Variants in CTCF observed in about 807,000 individuals in gnomAD.
CTCF encodes CCCTC-binding factor.
CTCF carries 7 observed loss-of-function variants against 72.3 expected under a neutral mutation model. The observed-to-expected ratio is 0.10, with a 90% confidence interval of 0.06 to 0.18. The LOEUF (loss-of-function observed/expected upper bound fraction) is 0.18. Among genes scored for constraint, CTCF ranks in the 10% least tolerant of loss-of-function variants. The pLI is 1.00. For synonymous variants in CTCF, 374 were observed against 315.8 expected, an observed-to-expected ratio of 1.18 and a Z score of -1.95; for missense variants, 516 against 949.1, an observed-to-expected ratio of 0.54 and a Z score of 6.00.
Position 67,627,073 on chromosome 16 carries a change from T to C in CTCF, c.1518+358T>C, listed in dbSNP as rs528374606. ...AGCAGCTCTATCTGTGCTACAATTATGGAAGCAGTTGTGCACCACACTAAA... is the reference window on the plus strand; with the variant it reads ...AGCAGCTCTATCTGTGCTACAATTACGGAAGCAGTTGTGCACCACACTAAA... On this transcript the variant is annotated intron_variant, in intron 8 of 11. Coordinates refer to ENST00000264010, the MANE Select transcript of CTCF (RefSeq NM_006565.4). The C allele has an allele frequency of 5.8e-4, 100 of 173,006 alleles. 2 individuals carry two copies. The highest frequency in any genetic ancestry group is 2.3e-3 in the African/African-American group (97 of 42,428). The allele number at this position is 173,006 out of a possible 1,614,324, so 10.7% of individuals were successfully genotyped here. A position where few individuals can be genotyped will look rare whatever the true frequency, so the allele number is the denominator to read the frequency against.
chr16:67,588,013 A>G (rs561617014), intron 2 of CTCF, among the ~76,000 whole-genome samples: 1 of 151,970 alleles, frequency 6.6e-6, no homozygotes, highest in Non-Finnish European at 1.5e-5. Flanking sequence ...GCCCACCACC[A>G]CGCCTGGCTA....
chr16:67,566,132 C>T (rs900190404), intron 1 of CTCF, among the ~76,000 whole-genome samples: 4 of 152,152 alleles, frequency 2.6e-5, no homozygotes, highest in African/African-American at 9.7e-5. Flanking sequence ...CCTCTTCAAA[C>T]AACTCAGATG....
At chr16:67,629,616 G>A in intron 10 of CTCF, 83 bp downstream of exon 10, 2 of 1,425,480 alleles carry the variant, frequency 1.4e-6, no homozygotes, top group Non-Finnish European at 1.9e-6. Flanking sequence ...GATATGCTGG[G>A]ATATAGAGGC....
intron 8 of CTCF, chr16:67,627,672 GGC>G: frequency 6.6e-6 from 1 of 151,760 alleles, no homozygotes; most frequent in Non-Finnish European, 1.5e-5. Flanking sequence ...AGGTCGGCCG[GGC>G]GCGGTGGCTC....
intron 2 of CTCF, among the ~76,000 whole-genome samples, chr16:67,594,377 C>A (rs542934745): frequency 6.8e-6 from 1 of 147,414 alleles, no homozygotes; most frequent in South Asian, 2.2e-4. Flanking sequence ...GGGTGGGACC[C>A]TGTCTCAAAA....
In CTCF at chr16:67,578,837, A is replaced by G. The variant is rs2051539838; in HGVS notation, c.-10+7573A>G. Among the ~76,000 whole-genome samples, 6 of 151,316 alleles carry G rather than the reference A, an allele frequency of 4.0e-5. No homozygotes were observed. In the Admixed American group the frequency reaches 4.0e-4, roughly 10 times the overall value. On this transcript the variant is annotated intron_variant, in intron 2 of 11. Transcript: ENST00000264010. ...GTGGCAGGCGCCTGTAATCTCAGCTACTCAGGTGGCTGAGGCAGGAGAATC... is the reference window on the plus strand; with the variant it reads ...GTGGCAGGCGCCTGTAATCTCAGCTGCTCAGGTGGCTGAGGCAGGAGAATC...
intron 5 of CTCF, 82 bp downstream of exon 5, chr16:67,616,960 C>A: frequency 1.4e-6 from 2 of 1,416,256 alleles, no homozygotes; most frequent in Non-Finnish European, 2.0e-6. Context: ...ACTACCCAAA[C>A]GGACTTAAGA....
At chr16:67,581,649 G>C (rs1039221712) in intron 2 of CTCF, among the ~76,000 whole-genome samples, 2 of 152,030 alleles carry the variant, frequency 1.3e-5, no homozygotes, top group South Asian at 4.2e-4. Context: ...GATTACAGTC[G>C]TGCACCACCA....
rs1402065838 is a variant in CTCF at position 67,611,976 on chromosome 16, G to A, written c.807G>A (p.Glu269=). ...GTGTAAAGAAGACATTCCAGTGTGA[G>A]CTTTGCAGTTACACGTGTCCACGGC... The part of the protein sequence containing the change: ...KKGVKKTFQC[E]LCSYTCPRRS... Residue 269 remains glutamate, a synonymous_variant, in exon 4 of 12, where the codon GAG becomes GAA. Transcript: ENST00000264010. The A allele has an allele frequency of 6.2e-7, 1 of 1,614,172 alleles. No individual in the cohort carries two copies.
chr16:67,629,745 CCTTTTTTTTTTTTTTTTTTTTTT>C (rs2052338336), intron 10 of CTCF, among the ~76,000 whole-genome samples: 2 of 85,030 alleles, frequency 2.4e-5, no homozygotes, highest in Non-Finnish European at 4.6e-5. Context: ...TCATTAATGC[CCTTTTTTTTTTTTTTTTTTTTTT>C]TTTTTTTTTT....
chr16:67,630,623 T>C (rs2052350187), intron 10 of CTCF, among the ~76,000 whole-genome samples: 1 of 152,028 alleles, frequency 6.6e-6, no homozygotes, highest in Admixed American at 6.6e-5. Flanking sequence ...GGTGTGGTGG[T>C]ACATGCCGAT....
intron 2 of CTCF, among the ~76,000 whole-genome samples, chr16:67,592,764 C>G (rs1052934118): frequency 6.6e-6 from 1 of 151,172 alleles, no homozygotes; most frequent in Non-Finnish European, 1.5e-5. Flanking sequence ...ACTGGCTCAA[C>G]GTCAGTAATC....
intron 2 of CTCF, among the ~76,000 whole-genome samples, chr16:67,577,858 G>A (rs983010065): frequency 1.3e-5 from 2 of 152,094 alleles, no homozygotes; most frequent in African/African-American, 2.4e-5. Context: ...CTGTTAGAGG[G>A]GATTGAGGTT....
rs1597714022 is a variant in CTCF at position 67,611,510 on chromosome 16, C to T, written c.678C>T (p.Tyr226=). Residue 226 remains tyrosine, a synonymous_variant, in exon 3 of 12, where the codon TAC becomes TAT. Transcript: ENST00000264010. ...GCAAAGATGTAGATGTGTCTGTCTA[C>T]GATTTTGAGGAAGAACAGCAGGAGG... The part of the protein sequence containing the change: ...EEGKDVDVSV[Y]DFEEEQQEGL... 10 of 1,614,098 alleles carry T rather than the reference C, an allele frequency of 6.2e-6. No homozygotes were observed. The highest frequency in any genetic ancestry group is 1.6e-4 in the Middle Eastern group (1 of 6,062).
intron 9 of CTCF, 126 bp downstream of exon 9, chr16:67,628,678 G>C: frequency 1.1e-6 from 1 of 947,328 alleles, no homozygotes; most frequent in Non-Finnish European, 1.6e-6. Flanking sequence ...TTTGGAAAGG[G>C]TTAGTCATCC....
intron 5 of CTCF, among the ~76,000 whole-genome samples, chr16:67,619,691 C>T (rs940667567): frequency 2.6e-5 from 4 of 152,110 alleles, no homozygotes; most frequent in Admixed American, 6.6e-5. Flanking sequence ...GGTGATCCTC[C>T]CACTTCAGCT....
At chr16:67,622,640 A>AC (rs2052216766) in intron 7 of CTCF, among the ~76,000 whole-genome samples, 1 of 139,780 alleles carries the variant, frequency 7.2e-6, no homozygotes, top group African/African-American at 2.6e-5. Flanking sequence ...ACCTACTCTT[A>AC]CTTTTTTTTT....
chr16:67,617,498 A>C (rs1159799461), intron 5 of CTCF, among the ~76,000 whole-genome samples: 1 of 151,698 alleles, frequency 6.6e-6, no homozygotes, highest in South Asian at 2.1e-4. Context: ...GACTCCCTCC[A>C]TCTCAAAAAA....
chr16:67,587,562 C>T (rs2051684892), intron 2 of CTCF, among the ~76,000 whole-genome samples: 1 of 150,680 alleles, frequency 6.6e-6, no homozygotes, highest in Non-Finnish European at 1.5e-5. Flanking sequence ...TTCTTTCATG[C>T]CTACAGATTG....
Sources: gnomAD v4.1 joint callset for allele counts (sites outside exome capture counted in the v4.1 genomes callset) on GRCh38, gnomAD v4.1.1 for gene constraint, MANE v1.5 for transcripts, NCBI Gene and HGNC (gene_info 2026-07-23, HGNC 2026-07-21) for gene names.